PALS2: variants seen among roughly 807,000 people sequenced by gnomAD.
PALS2 encodes protein associated with LIN7 2, MAGUK p55 family member.
PALS2 carries 27 observed loss-of-function variants against 61.6 expected under a neutral mutation model. The ratio of observed to expected loss-of-function variants is 0.44; its 90% CI spans 0.32 to 0.60. PALS2 has a LOEUF of 0.60. Ranked by LOEUF, PALS2 falls within the 20% of genes least tolerant of loss-of-function variation. The pLI, the probability that PALS2 is intolerant of heterozygous loss-of-function variation, is 0.05. For missense variants in PALS2, 554 were observed against 639.4 expected, an observed-to-expected ratio of 0.87 and a Z score of 1.44; for synonymous variants, 236 against 218.6, an observed-to-expected ratio of 1.08 and a Z score of -0.70.
intron 1 of PALS2, among the ~76,000 whole-genome samples, chr7:24,606,972 A>G (rs1361383983): frequency 1.3e-5 from 2 of 152,142 alleles, no homozygotes; most frequent in African/African-American, 2.4e-5. Context: ...GCATGAAACA[A>G]AGTTTTGACT....
intron 2 of PALS2, among the ~76,000 whole-genome samples, chr7:24,635,988 G>T (rs1374061822): frequency 2.6e-5 from 4 of 152,102 alleles, no homozygotes; most frequent in African/African-American, 9.6e-5. Context: ...GAGGCGGGCG[G>T]ATCACCTGAG....
intron 1 of PALS2, among the ~76,000 whole-genome samples, chr7:24,617,207 T>C (rs1278233350): frequency 6.6e-6 from 1 of 152,196 alleles, no homozygotes; most frequent in Non-Finnish European, 1.5e-5. Flanking sequence ...ATTTCATTCA[T>C]TGAATTCTTC....
At chr7:24,583,304 C>A (rs2711089) in intron 1 of PALS2, among the ~76,000 whole-genome samples, 73,607 of 151,962 alleles carry the variant, frequency 0.48, 21,412 homozygotes, top group African/African-American at 0.81. Context: ...AAAGGTTGGA[C>A]TATCTTGTGA....
Position 24,691,573 on chromosome 7 carries a change from C to T in PALS2, c.*3959C>T. 1 of 151,120 alleles carries T rather than the reference C, an allele frequency of 6.6e-6. No individual in the cohort carries two copies. Among genetic ancestry groups the T allele is most frequent in the Non-Finnish European group, 1.5e-5 (1 of 67,684 alleles). The allele number at this position is 151,120 out of a possible 1,614,324, so 9.4% of individuals were successfully genotyped here. A position where few individuals can be genotyped will look rare whatever the true frequency, so the allele number is the denominator to read the frequency against. ...CTCCCATTTCTTTGACATTCTGAAA[C>T]TTTTTTTAGATTGTTTTAAAACGCT... On this transcript the variant is annotated 3_prime_UTR_variant, in exon 12 of 12. Coordinates refer to ENST00000222644, the MANE Select transcript of PALS2 (RefSeq NM_001303037.2).
At chr7:24,678,253 A>G (rs540527899) in intron 9 of PALS2, among the ~76,000 whole-genome samples, 7 of 152,350 alleles carry the variant, frequency 4.6e-5, no homozygotes, top group African/African-American at 7.2e-5. Context: ...AAAGGGTTGT[A>G]TGTCTCTGAA....
intron 1 of PALS2, among the ~76,000 whole-genome samples, chr7:24,578,330 T>C (rs1359143167): frequency 6.6e-6 from 1 of 152,190 alleles, no homozygotes; most frequent in Non-Finnish European, 1.5e-5. Flanking sequence ...AAATAAATCA[T>C]CCTTTTAAAA....
intron 1 of PALS2, among the ~76,000 whole-genome samples, chr7:24,579,754 G>T (rs969684877): frequency 2.6e-5 from 4 of 152,122 alleles, no homozygotes; most frequent in Non-Finnish European, 5.9e-5. Context: ...GTTTTTGGAA[G>T]AAATCTTTTA....
intron 7 of PALS2, 77 bp from the exon 8 acceptor site, chr7:24,665,944 C>A: frequency 7.4e-7 from 1 of 1,351,578 alleles, no homozygotes; most frequent in Non-Finnish European, 1.0e-6. Flanking sequence ...ATTCTCCCAC[C>A]CCTGTAAAAT....
intron 1 of PALS2, among the ~76,000 whole-genome samples, chr7:24,597,401 G>A (rs1445709733): frequency 1.3e-5 from 2 of 152,128 alleles, no homozygotes; most frequent in East Asian, 1.9e-4. Context: ...GAGAGCTGTG[G>A]CTGAGATGGC....
At chr7:24,612,213 T>C (rs1171712715) in intron 1 of PALS2, among the ~76,000 whole-genome samples, 1 of 151,968 alleles carries the variant, frequency 6.6e-6, no homozygotes, top group Non-Finnish European at 1.5e-5. Flanking sequence ...AGGTAGTCAA[T>C]CTAACATATT....
intron 1 of PALS2, among the ~76,000 whole-genome samples, chr7:24,576,130 AGTTTT>A (rs1196147077): frequency 6.6e-6 from 1 of 152,226 alleles, no homozygotes; most frequent in Non-Finnish European, 1.5e-5. Flanking sequence ...AAATTATGCT[AGTTTT>A]GTTTTAACTG....
intron 1 of PALS2, among the ~76,000 whole-genome samples, chr7:24,579,362 G>C (rs1782752138): frequency 6.6e-6 from 1 of 152,148 alleles, no homozygotes; most frequent in Non-Finnish European, 1.5e-5. Context: ...AGAGCATTAA[G>C]GTAAATAGAA....
At chr7:24,583,961 T>C (rs968432719) in intron 1 of PALS2, among the ~76,000 whole-genome samples, 1 of 151,140 alleles carries the variant, frequency 6.6e-6, no homozygotes, top group African/African-American at 2.4e-5. Flanking sequence ...GATTTCCAAT[T>C]TCATCCATGT....
chr7:24,576,751 C>T (rs1440072467), intron 1 of PALS2, among the ~76,000 whole-genome samples: 2 of 152,134 alleles, frequency 1.3e-5, no homozygotes, highest in Non-Finnish European at 2.9e-5. Flanking sequence ...TGAAGTGTAT[C>T]TATATCCAAA....
intron 9 of PALS2, among the ~76,000 whole-genome samples, chr7:24,672,438 C>A (rs1426884059): frequency 2.0e-5 from 3 of 151,864 alleles, no homozygotes; most frequent in Non-Finnish European, 4.4e-5. Flanking sequence ...ACCATGTTGG[C>A]CAGGCTGGTT....
intron 4 of PALS2, 126 bp from the exon 5 acceptor site, chr7:24,650,359 G>A: frequency 1.3e-6 from 1 of 785,824 alleles, no homozygotes; most frequent in East Asian, 2.7e-5. Flanking sequence ...AGACAGGAGA[G>A]AACATGGGAA....
At chr7:24,583,267 T>TA (rs201202002) in intron 1 of PALS2, among the ~76,000 whole-genome samples, 1,928 of 150,752 alleles carry the variant, frequency 0.013, 52 homozygotes, top group African/African-American at 0.041. Context: ...TGGAGGTCAG[T>TA]AAAAAAAAAT....
intron 3 of PALS2, among the ~76,000 whole-genome samples, chr7:24,646,394 G>A (rs1785834721): frequency 6.6e-6 from 1 of 152,082 alleles, no homozygotes. Flanking sequence ...AGCCTTTTCT[G>A]CTCTATTGAG....
In PALS2 at chr7:24,624,249, T is replaced by C. The variant is rs980178102; in HGVS notation, c.117+465T>C. 5.2e-6 allele frequency: 3 copies of C among 574,816 alleles called. No homozygotes were observed. In the African/African-American group the frequency reaches 6.0e-5, roughly 11 times the overall value. 35.6% of individuals were successfully genotyped at this position (574,816 alleles called of 1,614,324 possible). On this transcript the variant is annotated intron_variant, in intron 2 of 11. Transcript: ENST00000222644. ...TTTTAAGTCTGTTTCCCTAGTCAAC[T>C]CTGGAGTAATCTCTTTAACTCATTG...
Sources: gnomAD v4.1 joint callset for allele counts (sites outside exome capture counted in the v4.1 genomes callset) on GRCh38, gnomAD v4.1.1 for gene constraint, MANE v1.5 for transcripts, NCBI Gene and HGNC (gene_info 2026-07-23, HGNC 2026-07-21) for gene names.